RHPN2: variants seen among roughly 807,000 people sequenced by gnomAD.
RHPN2 encodes rhophilin-2.
Under a neutral mutation model 79.0 loss-of-function variants are expected in RHPN2, and 40 were observed. The ratio of observed to expected loss-of-function variants is 0.51; its 90% CI spans 0.39 to 0.66. The LOEUF is 0.66. Among genes scored for constraint, RHPN2 ranks in the 30% least tolerant of loss-of-function variants. RHPN2 has a pLI of 0.00. For missense variants in RHPN2, 686 were observed against 883.5 expected (o/e 0.78, Z 2.83); for synonymous variants, 285 against 363.5 (o/e 0.78, Z 2.46).
In RHPN2 at chr19:33,026,553, C is replaced by T. The variant is rs1215222866; in HGVS notation, c.265G>A (p.Glu89Lys). ...FVNSDLQMLKEELEGLNISVG... is the reference protein window; with the variant it reads ...FVNSDLQMLKKELEGLNISVG... ...GAGATGTTCAGCCCCTCCAGCTCTTCCTTGAGCATCTGCAGGTCTGAGTTG... is the reference window on the plus strand; with the variant it reads ...GAGATGTTCAGCCCCTCCAGCTCTTTCTTGAGCATCTGCAGGTCTGAGTTG... The change falls in exon 3 of 15, where the codon GAA becomes AAA. Residue 89 changes from glutamate (E) to lysine (K), a missense_variant. Transcript: ENST00000254260. 1.9e-6 allele frequency: 3 copies of T among 1,609,338 alleles called. No individual in the cohort carries two copies. The highest frequency in any genetic ancestry group is 2.5e-6 in the Non-Finnish European group (3 of 1,179,834).
intron 1 of RHPN2, among the ~76,000 whole-genome samples, chr19:33,048,463 C>T (rs1372845916): frequency 1.3e-5 from 2 of 151,364 alleles, no homozygotes; most frequent in Admixed American, 6.6e-5. Flanking sequence ...TAGTAGTTCA[C>T]GCCTGTAATC....
At position 33,019,992 on chromosome 19, in the gene RHPN2, C is replaced by A. The variant is rs998438834; in HGVS notation, c.390+1579G>T. On this transcript the variant is annotated intron_variant, in intron 4 of 14. Transcript: ENST00000254260. ...AAGGAAGAGGAGGGTATTCCAGGCA[C>A]AGGACGGTCTCCCAGCCCCAGCATC... Among the ~76,000 whole-genome samples the A allele has an allele frequency of 5.7e-4, 87 of 152,052 alleles. 4 individuals are homozygous for A. The highest frequency in any genetic ancestry group is 5.9e-5 in the Non-Finnish European group (4 of 68,028).
intron 3 of RHPN2, among the ~76,000 whole-genome samples, chr19:33,022,187 A>C (rs1971930101): frequency 6.6e-6 from 1 of 152,028 alleles, no homozygotes; most frequent in South Asian, 2.1e-4. Flanking sequence ...ACCTCAAGCG[A>C]TCCGCCCACC....
intron 2 of RHPN2, among the ~76,000 whole-genome samples, chr19:33,033,094 G>C (rs990603641): frequency 1.3e-4 from 20 of 152,102 alleles, no homozygotes; most frequent in African/African-American, 4.8e-4. Flanking sequence ...AATTCCTAGA[G>C]GACAAGCCTT....
At chr19:33,054,196 T>G (rs1273049356) in intron 1 of RHPN2, among the ~76,000 whole-genome samples, 1 of 131,070 alleles carries the variant, frequency 7.6e-6, no homozygotes, top group African/African-American at 3.1e-5. Flanking sequence ...TTTTCTTCTT[T>G]GTTTTTTTTT....
chr19:33,007,948 G>A, intron 7 of RHPN2, 66 bp downstream of exon 7: 2 of 1,556,452 alleles, frequency 1.3e-6, no homozygotes, highest in Non-Finnish European at 1.8e-6. Flanking sequence ...TCTCTTCAGT[G>A]GGGGGTCCCC....
In RHPN2 at chr19:33,002,967, T is replaced by C. The variant is rs1599813561; in HGVS notation, c.794A>G (p.His265Arg). The C allele has an allele frequency of 5.0e-6, 8 of 1,613,934 alleles. No individual in the cohort carries two copies. Among genetic ancestry groups the C allele is most frequent in the Non-Finnish European group, 6.8e-6 (8 of 1,179,844 alleles). The change falls in exon 8 of 15, where the codon CAT (histidine) becomes CGT (arginine). Residue 265 changes from histidine (H) to arginine (R), a missense_variant. By Grantham distance (29) the His-to-Arg change is conservative (BLOSUM62 0). Coordinates refer to ENST00000254260, the MANE Select transcript of RHPN2 (RefSeq NM_033103.5). ...AGGGCTCATGTCGTAACTTGGAGTA[T>C]GGGTAAATGTGTCTTTCAGGTAATT... ...VLNYLKDTFT[H>R]TPSYDMSPAM...
At chr19:33,022,126 G>T in intron 3 of RHPN2, among the ~76,000 whole-genome samples, 1 of 148,660 alleles carries the variant, frequency 6.7e-6, no homozygotes, top group South Asian at 2.1e-4. Flanking sequence ...TATTTTTTTA[G>T]TAGCAATGGG....
chr19:33,014,619 T>C (rs1399267402), intron 4 of RHPN2, among the ~76,000 whole-genome samples: 1 of 152,136 alleles, frequency 6.6e-6, no homozygotes, highest in East Asian at 1.9e-4. Flanking sequence ...TATGCCTCTT[T>C]TCTTTAAACT....
chr19:33,020,956 AT>A (rs1337848185), intron 4 of RHPN2, among the ~76,000 whole-genome samples: 1 of 152,236 alleles, frequency 6.6e-6, no homozygotes, highest in East Asian at 1.9e-4. Flanking sequence ...AATTCTTAAA[AT>A]TTTTTGAAAA....
rs74446640 is a variant in RHPN2, at chr19:33,002,772, C to T, written c.948+41G>A. 0.028 allele frequency: 44,845 copies of T among 1,608,050 alleles called. 4,156 individuals carry two copies. In the East Asian group the frequency reaches 0.3, roughly 11 times the overall value. ...TTCCAGTGCTCCTGTGCCAGCATCTCCTGCCCACTCCCCAAAGTCACAGGA... is the reference window on the plus strand; with the variant it reads ...TTCCAGTGCTCCTGTGCCAGCATCTTCTGCCCACTCCCCAAAGTCACAGGA... On this transcript the variant is annotated intron_variant, in intron 8 of 14. Transcript: ENST00000254260.
chr19:32,983,057 C>A (rs1226375676), intron 14 of RHPN2, among the ~76,000 whole-genome samples: 1 of 79,144 alleles, frequency 1.3e-5, no homozygotes, highest in Non-Finnish European at 2.9e-5. Flanking sequence ...CAGATCTCTA[C>A]ACACACACAC....
At chr19:33,057,032 A>G (rs1280107831) in intron 1 of RHPN2, among the ~76,000 whole-genome samples, 1 of 151,398 alleles carries the variant, frequency 6.6e-6, no homozygotes, top group Non-Finnish European at 1.5e-5. Flanking sequence ...AGGTAGGAGA[A>G]TGGCGTGGAC....
intron 1 of RHPN2, among the ~76,000 whole-genome samples, chr19:33,053,049 G>C (rs1325721310): frequency 6.7e-6 from 1 of 150,178 alleles, no homozygotes; most frequent in East Asian, 2.0e-4. Flanking sequence ...TCGGCTCACT[G>C]CAACCTCCAC....
chr19:32,999,713 G>C lies in RHPN2; in HGVS notation c.1106-8C>G. 6.2e-7 allele frequency: 1 copy of C among 1,611,164 alleles called. No homozygotes were observed. Among genetic ancestry groups the C allele is most frequent in the Non-Finnish European group, 8.5e-7 (1 of 1,178,312 alleles). ...GATCCGTGCCTGGCTTCACTGCAAA[G>C]AGAACCACAGGTTAAATCCCCTCTC... On this transcript the variant is annotated splice_polypyrimidine_tract_variant and splice_region_variant and intron_variant, in intron 9 of 14. Coordinates refer to ENST00000254260, the MANE Select transcript of RHPN2 (RefSeq NM_033103.5).
chr19:33,010,387 T>TA (rs1245792627), intron 6 of RHPN2, among the ~76,000 whole-genome samples: 2 of 84,416 alleles, frequency 2.4e-5, no homozygotes, highest in South Asian at 3.7e-4. Context: ...TTTAGGTTGT[T>TA]TTTTTTTTTT....
chr19:33,020,934 A>AC (rs955377496), intron 4 of RHPN2, among the ~76,000 whole-genome samples: 20 of 152,378 alleles, frequency 1.3e-4, no homozygotes, highest in Admixed American at 1.0e-3. Context: ...AGTACACAGG[A>AC]GTTTGCTATA....
Position 33,064,764 on chromosome 19 carries a change from G to T in RHPN2, c.69+20C>A. The T allele has an allele frequency of 5.3e-6, 3 of 568,456 alleles. No individual in the cohort carries two copies. Among genetic ancestry groups the T allele is most frequent in the East Asian group, 7.5e-5 (1 of 13,262 alleles). The allele number at this position is 568,456 out of a possible 1,614,324, so 35.2% of individuals were successfully genotyped here. On this transcript the variant is annotated intron_variant, in intron 1 of 14. Coordinates refer to ENST00000254260, the MANE Select transcript of RHPN2 (RefSeq NM_033103.5). Reference sequence around the variant, plus strand: ...GTCTGGAGCCCGCAGGTCCCCGCCCGCCCGCCCGAAGCCGCCCACCTTCCG... The same window carrying T: ...GTCTGGAGCCCGCAGGTCCCCGCCCTCCCGCCCGAAGCCGCCCACCTTCCG...
In RHPN2 at chr19:33,031,878, C is replaced by A. The variant is rs561079718; in HGVS notation, c.186-5246G>T. ...GGGACTACAGGCGCCCGCCACCACG[C>A]CCGGCTAATTTATTGGATTTTTAGT... is the stretch of plus-strand genomic sequence containing the variant. On this transcript the variant is annotated intron_variant, in intron 2 of 14. Transcript: ENST00000254260. Among the ~76,000 whole-genome samples, 22 of 152,042 alleles carry A rather than the reference C, an allele frequency of 1.4e-4. No individual in the cohort carries two copies. In the South Asian group the frequency reaches 4.2e-3, roughly 29 times the overall value.
Sources: gnomAD v4.1 joint callset for allele counts (sites outside exome capture counted in the v4.1 genomes callset) on GRCh38, gnomAD v4.1.1 for gene constraint, MANE v1.5 for transcripts, NCBI Gene and HGNC (gene_info 2026-07-23, HGNC 2026-07-21) for gene names.